The following DLG2 variants were observed in gnomAD, a reference collection of about 807,000 sequenced individuals.
DLG2 encodes discs large MAGUK scaffold protein 2.
Under a neutral mutation model 132.5 loss-of-function variants are expected in DLG2, and 45 were observed. That is an observed-to-expected ratio of 0.34 (90% confidence interval 0.27 to 0.44). The LOEUF (loss-of-function observed/expected upper bound fraction) is 0.44, where lower values mean the gene tolerates loss of function less well. DLG2 is among the 20% of genes least tolerant of loss of function. The probability of loss-of-function intolerance (pLI) is 1.00; values close to 1 mark genes in which losing one functional copy is unlikely to be tolerated. For synonymous variants in DLG2, 424 were observed against 419.6 expected, an observed-to-expected ratio of 1.01 and a Z score of -0.13; for missense variants, 1,045 against 1,196.9, an observed-to-expected ratio of 0.87 and a Z score of 1.87.
chr11:84,281,165 G>T lies in DLG2; in HGVS notation c.520-29874C>A, dbSNP rs572411519. On this transcript the variant is annotated intron_variant, in intron 7 of 27. Coordinates refer to ENST00000376104, the MANE Select transcript of DLG2 (RefSeq NM_001142699.3). ...ACCTCTTGTTACATGTTAACTCAAC[G>T]TGGATTATATACTTAGATGTAAAAC... Among the ~76,000 whole-genome samples the T allele has an allele frequency of 9.8e-4, 149 of 152,118 alleles. 1 individual carries two copies. The highest frequency in any genetic ancestry group is 3.4e-3 in the African/African-American group (142 of 41,550).
chr11:85,483,738 G>A (rs2093353331), intron 3 of DLG2, among the ~76,000 whole-genome samples: 2 of 151,956 alleles, frequency 1.3e-5, no homozygotes, highest in South Asian at 4.2e-4. Context: ...GAGGTCAGGA[G>A]TTCAAGACCA....
chr11:84,861,633 A>C (rs1325074458), intron 6 of DLG2, among the ~76,000 whole-genome samples: 3 of 75,332 alleles, frequency 4.0e-5, no homozygotes, highest in East Asian at 4.7e-4. Context: ...AAAAAAAAAA[A>C]AAAAAACAAA....
chr11:85,607,067 C>G (rs1437457971), intron 2 of DLG2, among the ~76,000 whole-genome samples: 3 of 152,194 alleles, frequency 2.0e-5, no homozygotes, highest in Non-Finnish European at 2.9e-5. Flanking sequence ...TTTCGCCAAG[C>G]AGTGAGATTA....
chr11:84,724,691 G>A (rs923433715), intron 6 of DLG2, among the ~76,000 whole-genome samples: 2 of 152,286 alleles, frequency 1.3e-5, no homozygotes, highest in Middle Eastern at 3.4e-3. Flanking sequence ...GCGAGATTAA[G>A]TAATGCCCAA....
chr11:85,134,279 T>A (rs2152417650), intron 5 of DLG2, among the ~76,000 whole-genome samples: 1 of 150,402 alleles, frequency 6.6e-6, no homozygotes, highest in Admixed American at 6.6e-5. Flanking sequence ...ATAAAAAGTA[T>A]ACTTTCTTGG....
At chr11:85,494,852 G>T (rs1555159532) in intron 3 of DLG2, among the ~76,000 whole-genome samples, 4 of 150,224 alleles carry the variant, frequency 2.7e-5, no homozygotes, top group Non-Finnish European at 5.9e-5. Flanking sequence ...TTTTTTAAAA[G>T]AAAACACAAA....
chr11:84,995,661 T>C (rs950943880), intron 6 of DLG2, among the ~76,000 whole-genome samples: 9 of 152,176 alleles, frequency 5.9e-5, no homozygotes, highest in Admixed American at 6.5e-5. Context: ...ATTTGAGAGA[T>C]TGTCTTATTC....
At chr11:83,540,151 T>G (rs1336128194) in intron 20 of DLG2, among the ~76,000 whole-genome samples, 1 of 152,212 alleles carries the variant, frequency 6.6e-6, no homozygotes, top group African/African-American at 2.4e-5. Flanking sequence ...TTCAACAAGA[T>G]GGCTCTTTCT....
intron 15 of DLG2, 98 bp from the exon 16 acceptor site, chr11:83,874,586 TGCAGGTTAGTTACATA>T: frequency 1.1e-6 from 1 of 878,238 alleles, no homozygotes; most frequent in Non-Finnish European, 1.6e-6. Flanking sequence ...GTGCACAACG[TGCAGGTTAGTTACATA>T]TGTATACATG....
In DLG2 at chr11:84,107,011, T is replaced by TGAGAGA. The variant is rs375475609; in HGVS notation, c.625-7965_625-7964insTCTCTC. Among the ~76,000 whole-genome samples the TGAGAGA allele has an allele frequency of 3.8e-3, 410 of 107,206 alleles. 3 individuals carry two copies. The highest frequency in any genetic ancestry group is 0.012 in the African/African-American group (349 of 29,832). The allele number at this position is 107,206 out of a possible 152,430, so 70.3% of individuals were successfully genotyped here. ...GTGTGTGTGTGTGTGTGTGTGTGTGTGTGAGAGAGTTTTAGCCTTAGGGGA... is the reference window on the plus strand; with the variant it reads ...GTGTGTGTGTGTGTGTGTGTGTGTGTGAGAGAGTGAGAGAGTTTTAGCCTTAGGGGA... On this transcript the variant is annotated intron_variant, in intron 9 of 27. Transcript: ENST00000376104.
At chr11:85,004,986 C>G (rs999544945) in intron 6 of DLG2, among the ~76,000 whole-genome samples, 3 of 152,128 alleles carry the variant, frequency 2.0e-5, no homozygotes, top group African/African-American at 7.2e-5. Context: ...ATAGGGAATC[C>G]TTTCCCCATT....
intron 8 of DLG2, among the ~76,000 whole-genome samples, chr11:84,222,230 C>T (rs1022623602): frequency 6.6e-6 from 1 of 152,054 alleles, no homozygotes; most frequent in Non-Finnish European, 1.5e-5. Context: ...TGGGGTTTCA[C>T]CATGTTGGCC....
At chr11:84,292,586 A>C (rs1253717470) in intron 7 of DLG2, among the ~76,000 whole-genome samples, 2 of 152,220 alleles carry the variant, frequency 1.3e-5, no homozygotes, top group East Asian at 3.9e-4. Context: ...GCTTTTTATC[A>C]GTAGTAGTTC....
At chr11:84,923,205 A>G (rs1285804034) in intron 6 of DLG2, 9 of 1,600,346 alleles carry the variant, frequency 5.6e-6, no homozygotes, top group East Asian at 2.2e-5. Flanking sequence ...ATGTGCTACT[A>G]AAGAGCATCC....
intron 4 of DLG2, among the ~76,000 whole-genome samples, chr11:85,174,264 A>C (rs1338489359): frequency 6.6e-6 from 1 of 152,204 alleles, no homozygotes; most frequent in Non-Finnish European, 1.5e-5. Flanking sequence ...AAATAATAAC[A>C]AACAGCCTTT....
At chr11:85,055,533 T>C (rs575283782) in intron 6 of DLG2, among the ~76,000 whole-genome samples, 2 of 152,240 alleles carry the variant, frequency 1.3e-5, no homozygotes, top group African/African-American at 4.8e-5. Flanking sequence ...GACAGAGCTT[T>C]TGGCAGTCTC....
intron 21 of DLG2, among the ~76,000 whole-genome samples, chr11:83,531,710 C>T (rs2095749890): frequency 6.7e-6 from 1 of 148,888 alleles, no homozygotes; most frequent in South Asian, 2.2e-4. Flanking sequence ...CTCACAGCAG[C>T]ATTATCCATA....
chr11:83,769,385 C>T (rs950839230), intron 18 of DLG2, among the ~76,000 whole-genome samples: 5 of 152,046 alleles, frequency 3.3e-5, no homozygotes, highest in African/African-American at 1.2e-4. Context: ...ACTCCTTTCC[C>T]CCATGAAGCT....
intron 6 of DLG2, among the ~76,000 whole-genome samples, chr11:84,699,801 T>C (rs2059021215): frequency 6.6e-6 from 1 of 151,574 alleles, no homozygotes; most frequent in African/African-American, 2.4e-5. Flanking sequence ...AAAAAGAGCT[T>C]CATATAGGAT....
Sources: allele counts gnomAD v4.1 joint callset (sites outside exome capture counted in the v4.1 genomes callset), GRCh38; gene constraint gnomAD v4.1.1; transcripts MANE v1.5; gene names NCBI Gene and HGNC (gene_info 2026-07-23, HGNC 2026-07-21).